The following ACTN1 variants were observed in gnomAD, a reference collection of about 807,000 sequenced individuals.
The protein encoded by ACTN1 is alpha-actinin-1.
In ACTN1, 30 loss-of-function variants were observed where a neutral mutation model predicts 119.6. The observed-to-expected ratio is 0.25, with a 90% CI of 0.19 to 0.34. The LOEUF (loss-of-function observed/expected upper bound fraction) is 0.34, where lower values mean the gene tolerates loss of function less well. ACTN1 is among the 10% of genes least tolerant of loss of function. ACTN1 has a pLI of 1.00. For synonymous variants in ACTN1, 429 were observed against 472.6 expected, an observed-to-expected ratio of 0.91 and a Z score of 1.20; for missense variants, 764 against 1,223.4, an observed-to-expected ratio of 0.62 and a Z score of 5.60.
rs551499569 is a variant in ACTN1 at position 68,878,864 on chromosome 14, G to A, written c.2361+125C>T. On this transcript the variant is annotated intron_variant, in intron 19 of 21. Coordinates refer to ENST00000394419, the MANE Select transcript of ACTN1 (RefSeq NM_001130004.2). The surrounding 1 kb of genome is among the most constrained non-coding windows in gnomAD (Gnocchi z 4.4). Reference sequence around the variant, plus strand: ...GGGGCAGACAGAGACAGCAGGAGAGGACGAGCCCCATGGCCCACAGGAGGG... The same window carrying A: ...GGGGCAGACAGAGACAGCAGGAGAGAACGAGCCCCATGGCCCACAGGAGGG... 3.1e-6 allele frequency: 5 copies of A among 1,596,486 alleles called. No homozygotes were observed. Among genetic ancestry groups the A allele is most frequent in the Non-Finnish European group, 4.2e-6 (5 of 1,177,966 alleles).
At chr14:68,901,207 GTTTTTTTTTGTTT>G (rs2033293553) in intron 8 of ACTN1, among the ~76,000 whole-genome samples, 1 of 136,090 alleles carries the variant, frequency 7.3e-6, no homozygotes, top group African/African-American at 2.8e-5. Context: ...TTGTTTTATG[GTTTTTTTTTGTTT>G]TTTTTTTGTT....
At chr14:68,948,755 AAGTACAGGCTACC>A (rs909478913) in intron 1 of ACTN1, among the ~76,000 whole-genome samples, 12 of 152,290 alleles carry the variant, frequency 7.9e-5, no homozygotes, top group African/African-American at 2.9e-4. Flanking sequence ...GGCATCCAGG[AAGTACAGGCTACC>A]AGACCAGCCA....
intron 11 of ACTN1, chr14:68,887,544 T>A: frequency 7.7e-7 from 1 of 1,293,556 alleles, no homozygotes; most frequent in Non-Finnish European, 1.0e-6. Flanking sequence ...AAGCCTCCCA[T>A]AATTCAATAT....
chr14:68,973,888 T>C (rs1594889903), intron 1 of ACTN1: 1 of 152,386 alleles, frequency 6.6e-6, no homozygotes, highest in Non-Finnish European at 1.5e-5. Flanking sequence ...CTGGCCTCTC[T>C]GCCATGACCT....
chr14:68,904,554 C>A, intron 7 of ACTN1, 101 bp downstream of exon 7: 1 of 1,020,070 alleles, frequency 9.8e-7, no homozygotes, highest in Non-Finnish European at 1.5e-6. Context: ...AAGACCAGGC[C>A]TCCTCCCGTC....
intron 21 of ACTN1, among the ~76,000 whole-genome samples, chr14:68,876,217 T>C (rs2030873488): frequency 6.6e-6 from 1 of 152,186 alleles, no homozygotes; most frequent in Admixed American, 6.5e-5. Flanking sequence ...AGACTGGTCT[T>C]GAACTCCTGA....
chr14:68,925,684 C>A lies in ACTN1; in HGVS notation c.106-12G>T, dbSNP rs115674827. 3.7e-6 allele frequency: 6 copies of A among 1,602,164 alleles called. No homozygotes were observed. In the African/African-American group the frequency reaches 8.1e-5, roughly 22 times the overall value. ...CATGCCGTGAATGTCTGGGCAGAGA[C>A]AAGAAGGGCAAGTGGTCAGGGGGCT... On this transcript the variant is annotated splice_polypyrimidine_tract_variant and intron_variant, in intron 1 of 21. Coordinates refer to ENST00000394419, the MANE Select transcript of ACTN1 (RefSeq NM_001130004.2). The surrounding 1 kb of genome is among the most constrained non-coding windows in gnomAD (Gnocchi z 4.3).
chr14:68,936,500 CTTTTTTTT>C (rs66604725), intron 1 of ACTN1: 2 of 249,460 alleles, frequency 8.0e-6, no homozygotes, highest in Non-Finnish European at 7.7e-6. Flanking sequence ...CTGTCATTAC[CTTTTTTTT>C]TTTTTTAAGT....
At chr14:68,974,427 T>A (rs2036995740) in intron 1 of ACTN1, among the ~76,000 whole-genome samples, 1 of 152,018 alleles carries the variant, frequency 6.6e-6, no homozygotes, top group Non-Finnish European at 1.5e-5. Flanking sequence ...AATTTAAAAA[T>A]TTTAAACTAT....
Position 68,953,490 on chromosome 14 carries a change from G to A in ACTN1, c.105+25462C>T. ...AGCTCAGAGGACCACATCTTACACT[G>A]TGCGTACTCCGCAGAGCCTGGCAGT... On this transcript the variant is annotated intron_variant, in intron 1 of 21. Transcript: ENST00000394419. Among the ~76,000 whole-genome samples the A allele has an allele frequency of 1.3e-5, 2 of 152,156 alleles. 1 individual carries two copies. Among genetic ancestry groups the A allele is most frequent in the East Asian group, 3.8e-4 (2 of 5,196 alleles).
rs534122094 is a variant in ACTN1, at chr14:68,878,311, C to T, written c.2427+147G>A. 9.8e-5 allele frequency: 122 copies of T among 1,241,268 alleles called. No homozygotes were observed. The Admixed American group carries it at 1.4e-3, about 15-fold the overall frequency. 76.9% of individuals were successfully genotyped at this position (1,241,268 alleles called of 1,614,324 possible). ...GCCGGGCCGGCTTTCAGGGAGCCAT[C>T]TTCCCCAAGGACATGGGCCCTGGGG... is the stretch of plus-strand genomic sequence containing the variant. On this transcript the variant is annotated intron_variant, in intron 20 of 21. Transcript: ENST00000394419. This position sits in a 1 kb window ranked among gnomAD's most constrained non-coding sequence, Gnocchi z 4.4.
Position 68,902,086 on chromosome 14 carries a change from A to G in ACTN1, c.762+391T>C, listed in dbSNP as rs534113007. Among the ~76,000 whole-genome samples, 4 of 152,328 alleles carry G rather than the reference A, an allele frequency of 2.6e-5. No individual in the cohort carries two copies. In the East Asian group the frequency reaches 7.7e-4, roughly 29 times the overall value. ...AGGTGTCTCCCAGCATTGCCCTTCT[A>G]AGGGAGCTCCAGCTGCTCTATCGAG... On this transcript the variant is annotated intron_variant, in intron 8 of 21. Coordinates refer to ENST00000394419, the MANE Select transcript of ACTN1 (RefSeq NM_001130004.2).
chr14:68,973,620 G>A (rs1156912987), intron 1 of ACTN1, among the ~76,000 whole-genome samples: 2 of 152,182 alleles, frequency 1.3e-5, no homozygotes, highest in Non-Finnish European at 2.9e-5. Context: ...AGAAACCTTG[G>A]TCATGCATGA....
intron 3 of ACTN1, among the ~76,000 whole-genome samples, chr14:68,915,492 T>A (rs1043771768): frequency 6.6e-6 from 1 of 152,334 alleles, no homozygotes; most frequent in East Asian, 1.9e-4. Context: ...TGTAAGCCCC[T>A]TGAGGGTAAG....
intron 1 of ACTN1, among the ~76,000 whole-genome samples, chr14:68,957,554 T>C (rs2036389673): frequency 6.6e-6 from 1 of 152,228 alleles, no homozygotes; most frequent in South Asian, 2.1e-4. Flanking sequence ...GAAGCCTCGC[T>C]CTCTATTTGA....
At chr14:68,955,000 T>C (rs1216148768) in intron 1 of ACTN1, among the ~76,000 whole-genome samples, 3 of 152,114 alleles carry the variant, frequency 2.0e-5, no homozygotes, top group Admixed American at 6.5e-5. Context: ...GTCAACCTAG[T>C]CCACTCTGAT....
In ACTN1 at chr14:68,885,078, C is replaced by A. The variant is rs149602614; in HGVS notation, c.1386-195G>T. On this transcript the variant is annotated intron_variant, in intron 12 of 21. Coordinates refer to ENST00000394419, the MANE Select transcript of ACTN1 (RefSeq NM_001130004.2). The surrounding 1 kb of genome is among the most constrained non-coding windows in gnomAD (Gnocchi z 5.6). The stretch of plus-strand genomic sequence containing the variant: ...CTGGCAGAGAGGAGACCAAAGAAGA[C>A]CCCTTTCCCAGTCATGGCTGGAGGT... Among the ~76,000 whole-genome samples, 21 of 152,268 alleles carry A rather than the reference C, an allele frequency of 1.4e-4. No individual in the cohort carries two copies. Among genetic ancestry groups the A allele is most frequent in the African/African-American group, 4.8e-4 (20 of 41,534 alleles).
intron 11 of ACTN1, chr14:68,888,248 T>A (rs2032187467): frequency 1.9e-5 from 7 of 363,666 alleles, no homozygotes; most frequent in South Asian, 9.3e-5. Flanking sequence ...GTAAAATTGG[T>A]AGAACTGAAT....
intron 16 of ACTN1, among the ~76,000 whole-genome samples, chr14:68,881,955 T>TTTTTTTTTTTTTTGTTTTTTTTTGA (rs58500225): frequency 9.7e-6 from 1 of 103,002 alleles, no homozygotes; most frequent in African/African-American, 4.4e-5. Context: ...TTTTTTTTTT[T>TTTTTTTTTTTTTTGTTTTTTTTTGA]GACAGAGTCT....
Sources: gnomAD v4.1 joint callset for allele counts (sites outside exome capture counted in the v4.1 genomes callset) on GRCh38, gnomAD v4.1.1 for gene constraint, Gnocchi (gnomAD v3.1) non-coding constraint, MANE v1.5 for transcripts, NCBI Gene and HGNC (gene_info 2026-07-23, HGNC 2026-07-21) for gene names.